The following PTPRD variants were observed in gnomAD, a reference collection of about 807,000 sequenced individuals.
PTPRD encodes the protein receptor-type tyrosine-protein phosphatase delta.
In PTPRD, 34 loss-of-function variants were observed where a neutral mutation model predicts 214.5. The observed-to-expected ratio is 0.16, with a 90% CI of 0.12 to 0.21. PTPRD has a LOEUF of 0.21. Ranked by LOEUF, PTPRD falls within the 10% of genes least tolerant of loss-of-function variation. PTPRD has a pLI of 1.00. For missense variants in PTPRD, 2,545 were observed against 2,398.7 expected (o/e 1.06, Z -1.27); for synonymous variants, 1,128 against 845.7 (o/e 1.33, Z -5.79).
intron 11 of PTPRD, among the ~76,000 whole-genome samples, chr9:8,792,702 T>G (rs752425753): frequency 1.3e-5 from 2 of 152,128 alleles, no homozygotes; most frequent in Non-Finnish European, 1.5e-5. Flanking sequence ...TGTGAGCAAT[T>G]AAATTTAACT....
intron 11 of PTPRD, among the ~76,000 whole-genome samples, chr9:8,992,929 A>T (rs925855400): frequency 1.3e-5 from 2 of 152,092 alleles, no homozygotes; most frequent in African/African-American, 2.4e-5. Context: ...GGTGAGGCTG[A>T]TTTTGGTTTG....
chr9:10,034,068 C>T (rs13302112), intron 3 of PTPRD, among the ~76,000 whole-genome samples: 48,492 of 151,734 alleles, frequency 0.32, 8,336 homozygotes, highest in East Asian at 0.63. Context: ...AAGCAATCTA[C>T]AGATTAAATG....
intron 6 of PTPRD, among the ~76,000 whole-genome samples, chr9:9,739,582 T>A (rs1367826736): frequency 6.6e-6 from 1 of 152,090 alleles, no homozygotes; most frequent in South Asian, 2.1e-4. Context: ...ATCCTCTATT[T>A]TTTTTACTTG....
At chr9:8,442,216 A>T (rs771506169) in intron 34 of PTPRD, among the ~76,000 whole-genome samples, 5 of 152,224 alleles carry the variant, frequency 3.3e-5, no homozygotes, top group Non-Finnish European at 5.9e-5. Flanking sequence ...TATTTCTTAG[A>T]AGCTAATTTA....
At chr9:10,336,773 G>A (rs2096851611) in intron 3 of PTPRD, among the ~76,000 whole-genome samples, 1 of 151,586 alleles carries the variant, frequency 6.6e-6, no homozygotes, top group African/African-American at 2.4e-5. Context: ...AAATACTAAG[G>A]GGACACAGGG....
intron 2 of PTPRD, among the ~76,000 whole-genome samples, chr9:10,568,238 T>C (rs976710243): frequency 6.6e-6 from 1 of 151,928 alleles, no homozygotes; most frequent in Non-Finnish European, 1.5e-5. Flanking sequence ...GTCCTTGTGA[T>C]AGTTTGCCAA....
intron 8 of PTPRD, among the ~76,000 whole-genome samples, chr9:9,409,706 A>G (rs1385601819): frequency 6.6e-6 from 1 of 152,108 alleles, no homozygotes; most frequent in African/African-American, 2.4e-5. Flanking sequence ...AAGAAATCGT[A>G]GAAAAGCCCA....
At chr9:9,245,775 A>T (rs1305530868) in intron 9 of PTPRD, among the ~76,000 whole-genome samples, 1 of 152,194 alleles carries the variant, frequency 6.6e-6, no homozygotes, top group Non-Finnish European at 1.5e-5. Flanking sequence ...ATACAATGTA[A>T]AAATAAATAT....
chr9:9,284,104 A>G (rs1948635967), intron 9 of PTPRD, among the ~76,000 whole-genome samples: 1 of 151,646 alleles, frequency 6.6e-6, no homozygotes. Flanking sequence ...TATCCAAGTA[A>G]TGTTCAGGAT....
chr9:10,100,045 T>C (rs1157950503), intron 3 of PTPRD, among the ~76,000 whole-genome samples: 1 of 151,688 alleles, frequency 6.6e-6, no homozygotes. Flanking sequence ...TGAGTATGCA[T>C]ATGGGTAAAC....
chr9:8,869,864 C>G (rs997833651), intron 11 of PTPRD, among the ~76,000 whole-genome samples: 3 of 152,128 alleles, frequency 2.0e-5, no homozygotes, highest in African/African-American at 7.2e-5. Context: ...GCTGCTGGCA[C>G]TGGTAGGAGG....
At chr9:10,137,896 T>G (rs1564056485) in intron 3 of PTPRD, among the ~76,000 whole-genome samples, 2 of 151,926 alleles carry the variant, frequency 1.3e-5, no homozygotes, top group South Asian at 2.1e-4. Context: ...TAAAGCAGGA[T>G]TAAGAGGAAA....
At chr9:10,146,528 G>A (rs1340921255) in intron 3 of PTPRD, among the ~76,000 whole-genome samples, 1 of 152,084 alleles carries the variant, frequency 6.6e-6, no homozygotes, top group African/African-American at 2.4e-5. Context: ...GTTGTGCCAA[G>A]AAGCTAAAGA....
intron 9 of PTPRD, among the ~76,000 whole-genome samples, chr9:9,289,082 C>T (rs530308035): frequency 5.9e-5 from 9 of 151,824 alleles, no homozygotes; most frequent in South Asian, 2.1e-4. Context: ...ACAGTAGTTA[C>T]GTCATGGAAA....
chr9:8,760,991 T>G (rs932572128), intron 11 of PTPRD, among the ~76,000 whole-genome samples: 2 of 152,216 alleles, frequency 1.3e-5, no homozygotes, highest in African/African-American at 4.8e-5. Flanking sequence ...CATTTAATCT[T>G]TAGTCCCTTT....
At chr9:8,918,478 C>G (rs928291000) in intron 11 of PTPRD, among the ~76,000 whole-genome samples, 1 of 152,016 alleles carries the variant, frequency 6.6e-6, no homozygotes, top group East Asian at 1.9e-4. Flanking sequence ...TTTAGAACAT[C>G]AGCATTTAAA....
At chr9:8,442,707 G>C (rs2095587954) in intron 34 of PTPRD, among the ~76,000 whole-genome samples, 1 of 152,000 alleles carries the variant, frequency 6.6e-6, no homozygotes, top group Non-Finnish European at 1.5e-5. Flanking sequence ...AGAATTCCCT[G>C]AATCAAATAC....
intron 8 of PTPRD, among the ~76,000 whole-genome samples, chr9:9,541,395 A>G (rs1037470674): frequency 2.6e-5 from 4 of 151,790 alleles, no homozygotes; most frequent in Non-Finnish European, 5.9e-5. Flanking sequence ...AAGAATATGA[A>G]GGCCCCAGAA....
chr9:10,519,645 C>A (rs573642604), intron 2 of PTPRD, among the ~76,000 whole-genome samples: 1 of 152,062 alleles, frequency 6.6e-6, no homozygotes, highest in African/African-American at 2.4e-5. Flanking sequence ...TTGAGCAAGT[C>A]CATCAGTGCC....
Sources: allele counts gnomAD v4.1 joint callset (sites outside exome capture counted in the v4.1 genomes callset), GRCh38; gene constraint gnomAD v4.1.1; transcripts MANE v1.5; gene names NCBI Gene and HGNC (gene_info 2026-07-23, HGNC 2026-07-21).